The following WWC2 variants were observed in gnomAD, a reference collection of about 807,000 sequenced individuals.
WWC2 encodes the protein protein WWC2.
In WWC2, 101 loss-of-function variants were observed where a neutral mutation model predicts 138.5. The observed-to-expected ratio is 0.73, with a 90% CI of 0.62 to 0.86. The LOEUF is 0.86. WWC2 is among the 40% of genes least tolerant of loss of function. WWC2 has a pLI of 0.00. For missense variants in WWC2, 1,420 were observed against 1,419.4 expected (o/e 1.00, Z -0.01); for synonymous variants, 558 against 538.4 (o/e 1.04, Z -0.50).
At chr4:183,141,627 C>A (rs989332180) in intron 1 of WWC2, among the ~76,000 whole-genome samples, 3 of 152,050 alleles carry the variant, frequency 2.0e-5, no homozygotes, top group Admixed American at 6.6e-5. Context: ...TTTGTATCAC[C>A]AAAATACTTA....
chr4:183,216,696 T>G (rs147649661), intron 4 of WWC2, among the ~76,000 whole-genome samples: 73 of 152,246 alleles, frequency 4.8e-4, no homozygotes, highest in African/African-American at 1.7e-3. Flanking sequence ...CATAGTCTAG[T>G]GGTGTGCATG....
At chr4:183,284,154 C>T (rs2111063457) in intron 18 of WWC2, 72 bp from the exon 19 acceptor site, 4 of 1,558,392 alleles carry the variant, frequency 2.6e-6, no homozygotes, top group African/African-American at 1.4e-5. Context: ...GATATTTTTT[C>T]TTTCTTAGAA....
chr4:183,238,251 G>C lies in WWC2; in HGVS notation c.523-1932G>C, dbSNP rs1736491231. ...AAGCCAAAATCCTGATGTGATCTTG[G>C]TCACATGCTTTCCCACACCCTCCAC... On this transcript the variant is annotated intron_variant, in intron 4 of 22. Transcript: ENST00000403733. 2.0e-5 allele frequency among the ~76,000 whole-genome samples: 3 copies of C among 152,052 alleles called. No homozygotes were observed. In the South Asian group the frequency reaches 6.2e-4, roughly 32 times the overall value.
intron 1 of WWC2, among the ~76,000 whole-genome samples, chr4:183,164,335 AT>A (rs1734060744): frequency 0.023 from 14 of 622 alleles, no homozygotes; most frequent in African/African-American, 0.074. Context: ...ATATATATAT[AT>A]ACATATATAT....
At chr4:183,271,848 A>G (rs1560879520) in intron 16 of WWC2, among the ~76,000 whole-genome samples, 1 of 152,160 alleles carries the variant, frequency 6.6e-6, no homozygotes, top group Non-Finnish European at 1.5e-5. Context: ...TACAAAAATA[A>G]CAAAAAAATT....
At chr4:183,276,848 C>T (rs542445900) in intron 16 of WWC2, among the ~76,000 whole-genome samples, 1 of 151,944 alleles carries the variant, frequency 6.6e-6, no homozygotes, top group East Asian at 1.9e-4. Context: ...ATTCAGAATT[C>T]TAGGTCTGCC....
chr4:183,239,842 T>C, intron 4 of WWC2, among the ~76,000 whole-genome samples: 1 of 152,084 alleles, frequency 6.6e-6, no homozygotes, highest in South Asian at 2.1e-4. Context: ...CTTGGCACAG[T>C]GAATGAAGGA....
chr4:183,117,103 C>T (rs892449537), intron 1 of WWC2, among the ~76,000 whole-genome samples: 2 of 152,092 alleles, frequency 1.3e-5, no homozygotes, highest in Non-Finnish European at 2.9e-5. Context: ...CCACTTACAC[C>T]ACCTACACTT....
chr4:183,286,200 G>A (rs1738244616), intron 20 of WWC2, 141 bp downstream of exon 20: 1 of 757,944 alleles, frequency 1.3e-6, no homozygotes. Context: ...GGGATACACA[G>A]AGACGCAGAT....
Position 183,261,412 on chromosome 4 carries a change from A to G in WWC2, c.1789A>G (p.Ile597Val). The G allele has an allele frequency of 6.2e-7, 1 of 1,612,876 alleles. No homozygotes were observed. Among genetic ancestry groups the G allele is most frequent in the Non-Finnish European group, 8.5e-7 (1 of 1,179,384 alleles). Residue 597 changes from isoleucine (I) to valine (V), a missense_variant, in exon 11 of 23, where the codon ATC (isoleucine) becomes GTC (valine). Physicochemically the swap from Ile to Val is conservative, Grantham distance 29. Coordinates refer to ENST00000403733, the MANE Select transcript of WWC2 (RefSeq NM_024949.6). ...DCELSSHFADISLIENQILLD... is the reference protein window; with the variant it reads ...DCELSSHFADVSLIENQILLD... ...TGAGTTGAGTAGCCATTTTGCAGAT[A>G]TCAGCCTCATCGAAAATCAGATTTT...
intron 11 of WWC2, among the ~76,000 whole-genome samples, chr4:183,262,086 G>A (rs143656031): frequency 8.5e-5 from 13 of 152,342 alleles, no homozygotes; most frequent in Non-Finnish European, 1.8e-4. Context: ...AACAGTTGCA[G>A]CCCCGGGAAG....
chr4:183,121,785 CTTT>C (rs528295307), intron 1 of WWC2, among the ~76,000 whole-genome samples: 3 of 124,182 alleles, frequency 2.4e-5, no homozygotes, highest in Admixed American at 8.2e-5. Context: ...TGTTAAGAAG[CTTT>C]TTTTTTTTTT....
intron 2 of WWC2, among the ~76,000 whole-genome samples, chr4:183,202,458 C>T (rs1735328259): frequency 2.0e-5 from 3 of 152,220 alleles, no homozygotes; most frequent in Middle Eastern, 6.8e-3. Context: ...GAAAGTGCAA[C>T]ATTATGTGTC....
intron 19 of WWC2, 93 bp from the exon 20 acceptor site, chr4:183,285,874 A>T: frequency 8.7e-7 from 1 of 1,147,650 alleles, no homozygotes; most frequent in Non-Finnish European, 1.3e-6. Context: ...AACTATGACT[A>T]CCTGCTTTAC....
chr4:183,102,816 A>C (rs1158998077), intron 1 of WWC2, among the ~76,000 whole-genome samples: 1 of 150,090 alleles, frequency 6.7e-6, no homozygotes. Flanking sequence ...CCTTTTGAAC[A>C]TACCAGTTGG....
chr4:183,288,231 T>C (rs577382144), intron 20 of WWC2, among the ~76,000 whole-genome samples: 1 of 152,164 alleles, frequency 6.6e-6, no homozygotes, highest in Non-Finnish European at 1.5e-5. Flanking sequence ...GATTCTGACT[T>C]GGGCTAAGGC....
chr4:183,208,159 A>G lies in WWC2; in HGVS notation c.445+3A>G, dbSNP rs1735496023. 3 of 1,613,296 alleles carry G rather than the reference A, an allele frequency of 1.9e-6. No homozygotes were observed. The highest frequency in any genetic ancestry group is 2.7e-5 in the African/African-American group (2 of 74,920). ...AAAGTCAAGTTCTCACACAAGCTGT[A>G]AGTACAGTGTGGCTATTCAGACTTT... On this transcript the variant is annotated splice_donor_region_variant and intron_variant, in intron 3 of 22. Transcript: ENST00000403733.
intron 14 of WWC2, among the ~76,000 whole-genome samples, chr4:183,267,719 C>T (rs927785926): frequency 3.9e-5 from 6 of 152,200 alleles, no homozygotes; most frequent in Non-Finnish European, 7.3e-5. Context: ...GTGAAATACT[C>T]AGCCCAACCA....
intron 4 of WWC2, among the ~76,000 whole-genome samples, chr4:183,212,990 C>T (rs1204309885): frequency 6.6e-6 from 1 of 152,134 alleles, no homozygotes; most frequent in East Asian, 1.9e-4. Context: ...GCTTCCCTCA[C>T]AAAAAGAAGA....
Sources: allele counts gnomAD v4.1 joint callset (sites outside exome capture counted in the v4.1 genomes callset), GRCh38; gene constraint gnomAD v4.1.1; transcripts MANE v1.5; gene names NCBI Gene and HGNC (gene_info 2026-07-23, HGNC 2026-07-21).